SOX6: variants seen among roughly 807,000 people sequenced by gnomAD.
SOX6 encodes transcription factor SOX-6.
In SOX6, 11 loss-of-function variants were observed where a neutral mutation model predicts 97.8. That is an observed-to-expected ratio of 0.11 (90% CI 0.07 to 0.19). The LOEUF (loss-of-function observed/expected upper bound fraction) is 0.19. SOX6 is among the 10% of genes least tolerant of loss of function. SOX6 has a pLI of 1.00. For synonymous variants in SOX6, 360 were observed against 371.4 expected, an observed-to-expected ratio of 0.97 and a Z score of 0.35; for missense variants, 810 against 1,039.5, an observed-to-expected ratio of 0.78 and a Z score of 3.04.
At chr11:16,386,120 T>C (rs1454362467) in intron 1 of SOX6, among the ~76,000 whole-genome samples, 1 of 152,166 alleles carries the variant, frequency 6.6e-6, no homozygotes, top group Non-Finnish European at 1.5e-5. Flanking sequence ...GGTATGCATA[T>C]GGCCCTTGAG....
At chr11:15,998,928 T>G (rs1854315326) in intron 13 of SOX6, among the ~76,000 whole-genome samples, 1 of 152,082 alleles carries the variant, frequency 6.6e-6, no homozygotes. Flanking sequence ...AAACTGAACT[T>G]TATAAAAATT....
At chr11:16,515,119 C>T (rs1049521491) in intron 4 of SOX6, among the ~76,000 whole-genome samples, 1 of 149,764 alleles carries the variant, frequency 6.7e-6, no homozygotes, top group African/African-American at 2.4e-5. Context: ...GAGGAATCGC[C>T]ACACTGACTT....
At chr11:16,405,554 A>G (rs1858666281) in intron 1 of SOX6, among the ~76,000 whole-genome samples, 1 of 152,042 alleles carries the variant, frequency 6.6e-6, no homozygotes, top group Non-Finnish European at 1.5e-5. Context: ...TTATATAACC[A>G]CTAAAAGGCA....
chr11:16,659,978 C>A (rs2134018520), intron 3 of SOX6, among the ~76,000 whole-genome samples: 1 of 152,106 alleles, frequency 6.6e-6, no homozygotes, highest in African/African-American at 2.4e-5. Context: ...GTCCCACTTT[C>A]ATTTTTTTAT....
chr11:16,188,540 T>A (rs1361884671), intron 4 of SOX6, among the ~76,000 whole-genome samples: 3 of 152,130 alleles, frequency 2.0e-5, no homozygotes, highest in African/African-American at 7.2e-5. Context: ...ATCCATAAGA[T>A]CTCTTGAAAA....
At chr11:16,640,654 G>C in intron 3 of SOX6, among the ~76,000 whole-genome samples, 1 of 152,180 alleles carries the variant, frequency 6.6e-6, no homozygotes, top group Non-Finnish European at 1.5e-5. Flanking sequence ...CGTATGTGTC[G>C]AGGAATTTAT....
At chr11:16,269,083 T>C (rs1854165686) in intron 3 of SOX6, among the ~76,000 whole-genome samples, 1 of 150,850 alleles carries the variant, frequency 6.6e-6, no homozygotes, top group African/African-American at 2.4e-5. Context: ...AGTTTATTCT[T>C]TTCTATAGTA....
chr11:16,484,593 G>A (rs1860399020), intron 4 of SOX6: 1 of 714,096 alleles, frequency 1.4e-6, no homozygotes, highest in South Asian at 1.5e-5. Context: ...TCAGTCACCT[G>A]GCGTGGAGGG....
At chr11:16,619,641 A>G (rs901507780) in intron 3 of SOX6, among the ~76,000 whole-genome samples, 1 of 152,106 alleles carries the variant, frequency 6.6e-6, no homozygotes, top group Non-Finnish European at 1.5e-5. Context: ...TTAAACAAAG[A>G]GAGAAGGAAA....
rs1269866839 is a variant in SOX6, at chr11:16,712,620, C to T, written n.429+2210G>A. Among the ~76,000 whole-genome samples the T allele has an allele frequency of 2.6e-5, 4 of 152,160 alleles. No individual in the cohort carries two copies. In the East Asian group the frequency reaches 7.7e-4, roughly 29 times the overall value. The stretch of plus-strand genomic sequence containing the variant: ...GCTCTTTTCAGCCTCAAGGCCATTT[C>T]ACATGCTGTTCCCTTTACCTAAAAC... On this transcript the variant is annotated intron_variant and non_coding_transcript_variant, in intron 3 of 5. Transcript: ENST00000524520.
intron 7 of SOX6, among the ~76,000 whole-genome samples, chr11:16,105,657 A>G (rs546855633): frequency 6.6e-6 from 1 of 152,248 alleles, no homozygotes; most frequent in East Asian, 1.9e-4. Context: ...ACAAGACAAT[A>G]ATGTTCACTT....
intron 3 of SOX6, among the ~76,000 whole-genome samples, chr11:16,627,000 T>C (rs1322929607): frequency 6.6e-6 from 1 of 152,120 alleles, no homozygotes; most frequent in Non-Finnish European, 1.5e-5. Flanking sequence ...GTAGTCCCAG[T>C]TTCTATTACT....
intron 1 of SOX6, among the ~76,000 whole-genome samples, chr11:16,396,938 T>C (rs548661268): frequency 6.6e-6 from 1 of 151,648 alleles, no homozygotes; most frequent in African/African-American, 2.4e-5. Flanking sequence ...AAGTCCTTAT[T>C]AAACATCATG....
intron 5 of SOX6, among the ~76,000 whole-genome samples, chr11:16,184,457 G>GT (rs1158956278): frequency 2.0e-5 from 3 of 152,010 alleles, no homozygotes; most frequent in Non-Finnish European, 4.4e-5. Flanking sequence ...ACAGCAAAAA[G>GT]TAAAAAATCT....
At chr11:16,646,775 T>C (rs992077194) in intron 3 of SOX6, among the ~76,000 whole-genome samples, 2 of 152,234 alleles carry the variant, frequency 1.3e-5, no homozygotes, top group Non-Finnish European at 2.9e-5. Flanking sequence ...TCCAGTTCCA[T>C]CCAGGTTGCT....
chr11:16,200,163 T>C (rs1851896653), intron 4 of SOX6, among the ~76,000 whole-genome samples: 1 of 152,180 alleles, frequency 6.6e-6, no homozygotes, highest in Non-Finnish European at 1.5e-5. Context: ...CAAGCCATTC[T>C]TTAGTTGAAT....
intron 1 of SOX6, among the ~76,000 whole-genome samples, chr11:16,407,757 T>C (rs1858717441): frequency 6.6e-6 from 1 of 152,124 alleles, no homozygotes. Context: ...TTGCCAAAGC[T>C]AGCACTAACA....
At chr11:16,146,380 A>G (rs187947370) in intron 6 of SOX6, among the ~76,000 whole-genome samples, 5 of 152,334 alleles carry the variant, frequency 3.3e-5, no homozygotes, top group Admixed American at 3.3e-4. Flanking sequence ...TAAATGTTAG[A>G]CCTAAAACCA....
intron 6 of SOX6, among the ~76,000 whole-genome samples, chr11:16,140,853 C>G (rs1850115233): frequency 6.6e-6 from 1 of 152,098 alleles, no homozygotes; most frequent in Non-Finnish European, 1.5e-5. Context: ...AAGTGGGTTT[C>G]TTTTCAATTT....
Sources: allele counts gnomAD v4.1 joint callset (sites outside exome capture counted in the v4.1 genomes callset), GRCh38; gene constraint gnomAD v4.1.1; transcripts MANE v1.5; gene names NCBI Gene and HGNC (gene_info 2026-07-23, HGNC 2026-07-21).